The following ST3GAL1 variants were observed in gnomAD, a reference collection of about 807,000 sequenced individuals.
The protein encoded by ST3GAL1 is CMP-N-acetylneuraminate-beta-galactosamide-alpha-2,3-sialyltransferase 1.
Under a neutral mutation model 34.1 loss-of-function variants are expected in ST3GAL1, and 16 were observed. The observed-to-expected ratio is 0.47, with a 90% CI of 0.32 to 0.71. ST3GAL1 has a LOEUF of 0.71. Among genes scored for constraint, ST3GAL1 ranks in the 30% least tolerant of loss-of-function variants. The probability of loss-of-function intolerance (pLI) is 0.04; values close to 1 mark genes in which losing one functional copy is unlikely to be tolerated. For synonymous variants in ST3GAL1, 191 were observed against 184.7 expected (o/e 1.03, Z -0.28); for missense variants, 353 against 447.4 (o/e 0.79, Z 1.90).
chr8:133,507,276 C>A (rs986715838), intron 2 of ST3GAL1, among the ~76,000 whole-genome samples: 1 of 152,210 alleles, frequency 6.6e-6, no homozygotes. Context: ...GGTTCCTTGA[C>A]TTCCCTCTTT....
At position 133,455,974 on chromosome 8, in the gene ST3GAL1, C is replaced by T. The variant is rs1399339642; in HGVS notation, c.*3790G>A. The T allele has an allele frequency of 2.6e-5, 4 of 152,138 alleles. No individual in the cohort carries two copies. The highest frequency in any genetic ancestry group is 5.9e-5 in the Non-Finnish European group (4 of 68,046). The allele number at this position is 152,138 out of a possible 1,614,324, so 9.4% of individuals were successfully genotyped here. Reference sequence around the variant, plus strand: ...ATTCCATCAAAGCCTCTCAACCAGCCGTTTCCCTAAAGAATCACCCAGATC... The same window carrying T: ...ATTCCATCAAAGCCTCTCAACCAGCTGTTTCCCTAAAGAATCACCCAGATC... On this transcript the variant is annotated 3_prime_UTR_variant, in exon 10 of 10. Coordinates refer to ENST00000522652, the MANE Select transcript of ST3GAL1 (RefSeq NM_173344.3).
At chr8:133,504,946 C>T (rs995036928) in intron 2 of ST3GAL1, among the ~76,000 whole-genome samples, 1 of 151,956 alleles carries the variant, frequency 6.6e-6, no homozygotes, top group Admixed American at 6.6e-5. Flanking sequence ...TCCACGATCT[C>T]GAAGTTCAGG....
At chr8:133,460,283 G>C (rs1331920123) in intron 9 of ST3GAL1, among the ~76,000 whole-genome samples, 1 of 152,168 alleles carries the variant, frequency 6.6e-6, no homozygotes, top group African/African-American at 2.4e-5. Context: ...GGAGGGCGTG[G>C]AATGGAAGAG....
At chr8:133,503,340 C>T (rs1353063970) in intron 2 of ST3GAL1, among the ~76,000 whole-genome samples, 2 of 152,190 alleles carry the variant, frequency 1.3e-5, no homozygotes, top group Non-Finnish European at 2.9e-5. Context: ...CATGGATAAG[C>T]CATTTCATCT....
intron 3 of ST3GAL1, among the ~76,000 whole-genome samples, chr8:133,498,382 T>C (rs1396479306): frequency 6.6e-6 from 1 of 152,204 alleles, no homozygotes; most frequent in African/African-American, 2.4e-5. Flanking sequence ...TGGGCCTCAG[T>C]GTCCTTATCT....
chr8:133,505,076 C>T (rs1586625483), intron 2 of ST3GAL1, among the ~76,000 whole-genome samples: 1 of 152,290 alleles, frequency 6.6e-6, no homozygotes, highest in East Asian at 1.9e-4. Flanking sequence ...AGAACAGGCA[C>T]TGCAGACAAT....
chr8:133,483,167 C>A (rs1243023580), intron 3 of ST3GAL1, among the ~76,000 whole-genome samples: 2 of 152,168 alleles, frequency 1.3e-5, no homozygotes, highest in Non-Finnish European at 2.9e-5. Context: ...CATGGTGAAA[C>A]CCTGTGTCTA....
rs149388199 is a variant in ST3GAL1, at chr8:133,483,995, C to T, written c.-373-7395G>A. Among the ~76,000 whole-genome samples, 46 of 152,340 alleles carry T rather than the reference C, an allele frequency of 3.0e-4. 1 individual carries two copies. The highest frequency in any genetic ancestry group is 1.1e-3 in the African/African-American group (45 of 41,582). ...CTGAAGTATCCAAGATTTACACATC[C>T]GCAGGAAAGCCTGGCCACCTCACAA... On this transcript the variant is annotated intron_variant, in intron 3 of 9. Transcript: ENST00000522652.
chr8:133,539,220 C>T (rs975380895), intron 2 of ST3GAL1, among the ~76,000 whole-genome samples: 2 of 152,194 alleles, frequency 1.3e-5, no homozygotes, highest in Non-Finnish European at 2.9e-5. Context: ...GAAGTTCTTT[C>T]GCCCTGTTCC....
At chr8:133,475,534 C>T (rs968323363) in intron 5 of ST3GAL1, among the ~76,000 whole-genome samples, 185 bp downstream of exon 5, 5 of 152,168 alleles carry the variant, frequency 3.3e-5, no homozygotes, top group African/African-American at 7.2e-5. Context: ...CAGGTGTACA[C>T]GGGGACTGAG....
At chr8:133,517,156 T>C (rs1817669609) in intron 2 of ST3GAL1, among the ~76,000 whole-genome samples, 1 of 152,210 alleles carries the variant, frequency 6.6e-6, no homozygotes, top group East Asian at 1.9e-4. Flanking sequence ...ACACAGTGGC[T>C]GGACAGTCCC....
Position 133,475,905 on chromosome 8 carries a change from C to T in ST3GAL1, c.120G>A (p.Lys40=). 1 of 1,614,020 alleles carries T rather than the reference C, an allele frequency of 6.2e-7. No homozygotes were observed. Among genetic ancestry groups the T allele is most frequent in the Non-Finnish European group, 8.5e-7 (1 of 1,180,028 alleles). The change falls in exon 5 of 10, where the codon AAG becomes AAA. Residue 40 remains lysine (K), a synonymous_variant. Transcript: ENST00000522652. ...TCTCGGAGAGCTCCAGGACCATCTG[C>T]TTGGGGAACCAGGTGGTGGCCACCA... ...HTMVATTWFP[K]QMVLELSENL...
chr8:133,548,138 C>T (rs558239954), intron 1 of ST3GAL1, among the ~76,000 whole-genome samples: 70 of 152,234 alleles, frequency 4.6e-4, no homozygotes, highest in Admixed American at 1.8e-3. Context: ...GCTATAGGAA[C>T]GAAACTCTTT....
At chr8:133,560,428 C>T (rs192888941) in intron 1 of ST3GAL1, among the ~76,000 whole-genome samples, 71 of 152,350 alleles carry the variant, frequency 4.7e-4, no homozygotes, top group African/African-American at 1.7e-3. Context: ...AATAAACCCA[C>T]GGACTCACCC....
intron 3 of ST3GAL1, among the ~76,000 whole-genome samples, chr8:133,484,769 C>T (rs1212752344): frequency 6.6e-6 from 1 of 152,096 alleles, no homozygotes; most frequent in Non-Finnish European, 1.5e-5. Context: ...CTTTAAAAAG[C>T]CCACCCCGCC....
At chr8:133,563,449 C>T (rs915800435) in intron 1 of ST3GAL1, among the ~76,000 whole-genome samples, 5 of 152,148 alleles carry the variant, frequency 3.3e-5, no homozygotes, top group Admixed American at 6.5e-5. Context: ...ACTAAGTTTC[C>T]GCACTAGGCC....
intron 4 of ST3GAL1, 55 bp from the exon 5 acceptor site, chr8:133,476,129 G>A: frequency 7.7e-7 from 1 of 1,296,596 alleles, no homozygotes. Context: ...TCAATCAAAA[G>A]GGATGGCAGG....
At chr8:133,463,496 G>A (rs371762827) in intron 7 of ST3GAL1, 37 bp from the exon 8 acceptor site, 1 of 1,611,788 alleles carries the variant, frequency 6.2e-7, no homozygotes, top group Non-Finnish European at 8.5e-7. Flanking sequence ...TAATGGGGCA[G>A]GGGACAGGCC....
At chr8:133,551,606 GA>G (rs1563739204) in intron 1 of ST3GAL1, among the ~76,000 whole-genome samples, 2 of 148,436 alleles carry the variant, frequency 1.3e-5, no homozygotes, top group Non-Finnish European at 3.0e-5. Context: ...AAGAAAGAAA[GA>G]AAGAAAGAAA....
Sources: allele counts gnomAD v4.1 joint callset (sites outside exome capture counted in the v4.1 genomes callset), GRCh38; gene constraint gnomAD v4.1.1; transcripts MANE v1.5; gene names NCBI Gene and HGNC (gene_info 2026-07-23, HGNC 2026-07-21).